The following ERICH3 variants were observed in gnomAD, a reference collection of about 807,000 sequenced individuals.
The protein encoded by ERICH3 is glutamate rich 3.
In ERICH3, 126 loss-of-function variants were observed where a neutral mutation model predicts 131.1. That is an observed-to-expected ratio of 0.96 (90% CI 0.83 to 1.11). The LOEUF (loss-of-function observed/expected upper bound fraction) is 1.11, where lower values mean the gene tolerates loss of function less well. Ranked by LOEUF, ERICH3 falls within the 50% of genes most tolerant of loss-of-function variation. The probability of loss-of-function intolerance (pLI) is 0.00; values close to 1 mark genes in which losing one functional copy is unlikely to be tolerated. For synonymous variants in ERICH3, 695 were observed against 644.6 expected (o/e 1.08, Z -1.18); for missense variants, 2,050 against 1,810.7 (o/e 1.13, Z -2.40).
At position 74,641,342 on chromosome 1, in the gene ERICH3, G is replaced by C. The variant is rs1646435615; in HGVS notation, c.433C>G (p.Pro145Ala). The C allele has an allele frequency of 6.2e-7, 1 of 1,612,444 alleles. No homozygotes were observed. Among genetic ancestry groups the C allele is most frequent in the African/African-American group, 1.3e-5 (1 of 74,710 alleles). The stretch of plus-strand genomic sequence containing the variant: ...TTAATATTACTCACCAGTGCTAACG[G>C]ACTGGAATGTCCTTCATCAACCAGA... ...SVLVDEGHSSPLALTAPRPYT... is the reference protein window; with the variant it reads ...SVLVDEGHSSALALTAPRPYT... Residue 145 changes from proline (P) to alanine (A), a missense_variant, in exon 5 of 15, where the codon CCG becomes GCG. Physicochemically the swap from Pro to Ala is conservative, Grantham distance 27. Transcript: ENST00000326665.
At chr1:74,606,312 G>A (rs960013927) in intron 10 of ERICH3, among the ~76,000 whole-genome samples, 1 of 151,824 alleles carries the variant, frequency 6.6e-6, no homozygotes, top group Non-Finnish European at 1.5e-5. Context: ...GGTGAAAATG[G>A]TCTCTGCAGA....
chr1:74,656,814 C>A (rs1285367990), intron 1 of ERICH3, among the ~76,000 whole-genome samples: 2 of 152,108 alleles, frequency 1.3e-5, no homozygotes, highest in African/African-American at 4.8e-5. Context: ...ACAGGAGTTC[C>A]CATAAAATTG....
intron 12 of ERICH3, chr1:74,589,384 G>A: frequency 1.8e-6 from 1 of 551,688 alleles, no homozygotes; most frequent in Non-Finnish European, 3.2e-6. Flanking sequence ...TCCCATAGGA[G>A]GGAATTTACC....
chr1:74,605,143 A>T (rs934350843), intron 10 of ERICH3, among the ~76,000 whole-genome samples: 1 of 151,924 alleles, frequency 6.6e-6, no homozygotes, highest in South Asian at 2.1e-4. Flanking sequence ...TATGGAAATG[A>T]CTTCTTTCTT....
At chr1:74,581,945 C>A (rs1244484056) in intron 12 of ERICH3, among the ~76,000 whole-genome samples, 1 of 152,148 alleles carries the variant, frequency 6.6e-6, no homozygotes, top group Non-Finnish European at 1.5e-5. Context: ...ACCCTCTTAG[C>A]AGAAATGTAA....
chr1:74,611,258 C>T (rs1648681893), intron 9 of ERICH3, among the ~76,000 whole-genome samples: 1 of 152,120 alleles, frequency 6.6e-6, no homozygotes, highest in South Asian at 2.1e-4. Context: ...CTTCCACAGT[C>T]TCAATAAGTT....
At chr1:74,602,814 A>C (rs1648205028) in intron 10 of ERICH3, among the ~76,000 whole-genome samples, 1 of 151,928 alleles carries the variant, frequency 6.6e-6, no homozygotes, top group Admixed American at 6.6e-5. Flanking sequence ...CATGCTTCAA[A>C]GTTAAAACAC....
intron 8 of ERICH3, among the ~76,000 whole-genome samples, chr1:74,614,605 A>AAT (rs1453742553): frequency 1.3e-5 from 2 of 148,590 alleles, no homozygotes; most frequent in African/African-American, 5.0e-5. Context: ...TGAACCCGGG[A>AAT]GGCGGAGCTT....
intron 1 of ERICH3, 106 bp from the exon 2 acceptor site, chr1:74,649,421 G>T: frequency 1.4e-6 from 1 of 729,776 alleles, no homozygotes; most frequent in Non-Finnish European, 2.3e-6. Flanking sequence ...CACTCATGCA[G>T]CCTGCCAGTC....
intron 12 of ERICH3, 160 bp from the exon 13 acceptor site, chr1:74,577,096 T>C: frequency 1.6e-6 from 1 of 610,678 alleles, no homozygotes; most frequent in Non-Finnish European, 2.8e-6. Flanking sequence ...TGAAAATTCC[T>C]ACCAGTATTG....
chr1:74,667,476 CA>C (rs1646702980), intron 1 of ERICH3, among the ~76,000 whole-genome samples: 1 of 152,088 alleles, frequency 6.6e-6, no homozygotes, highest in Non-Finnish European at 1.5e-5. Context: ...TGGTCTGTAC[CA>C]AAATGAATAA....
At position 74,608,559 on chromosome 1, in the gene ERICH3, G is replaced by T. The variant is rs139807211; in HGVS notation, c.1188-1657C>A. 7.0e-3 allele frequency among the ~76,000 whole-genome samples: 1,072 copies of T among 152,084 alleles called. 12 individuals are homozygous for T. The highest frequency in any genetic ancestry group is 0.025 in the African/African-American group (1,040 of 41,522). On this transcript the variant is annotated intron_variant, in intron 9 of 14. Coordinates refer to ENST00000326665, the MANE Select transcript of ERICH3 (RefSeq NM_001002912.5). ...CCATCTGCAGCGTAGAAATAGCAAA[G>T]GAATTGATCTTAATAAATTTTCCCA...
intron 13 of ERICH3, among the ~76,000 whole-genome samples, chr1:74,576,043 C>G (rs1647047321): frequency 6.6e-6 from 1 of 152,144 alleles, no homozygotes; most frequent in Non-Finnish European, 1.5e-5. Flanking sequence ...GGAAGTCAGA[C>G]TAACCTGGGT....
chr1:74,612,616 T>C lies in ERICH3; in HGVS notation c.1187+7A>G, dbSNP rs1648749552. The C allele has an allele frequency of 6.5e-7, 1 of 1,541,262 alleles. No individual in the cohort carries two copies. On this transcript the variant is annotated splice_region_variant and intron_variant, in intron 9 of 14. Coordinates refer to ENST00000326665, the MANE Select transcript of ERICH3 (RefSeq NM_001002912.5). ...TGCCCTCTACCAAAGGACATTTGTT[T>C]CCATACTTGTAGCAAGGAGATGATC... is the stretch of plus-strand genomic sequence containing the variant.
At chr1:74,590,725 C>T (rs1647553201) in intron 11 of ERICH3, among the ~76,000 whole-genome samples, 1 of 152,160 alleles carries the variant, frequency 6.6e-6, no homozygotes, top group Admixed American at 6.6e-5. Context: ...AGGCCATGGA[C>T]CCTGTACCAG....
chr1:74,670,289 A>G (rs1646728999), intron 1 of ERICH3, among the ~76,000 whole-genome samples: 1 of 152,068 alleles, frequency 6.6e-6, no homozygotes, highest in African/African-American at 2.4e-5. Flanking sequence ...ACAAATTTTT[A>G]TATATTTAGG....
chr1:74,641,273 A>C, intron 5 of ERICH3, 58 bp downstream of exon 5: 2 of 1,581,654 alleles, frequency 1.3e-6, no homozygotes, highest in Non-Finnish European at 1.7e-6. Flanking sequence ...TCTGAGAATA[A>C]GAAATAATAA....
At chr1:74,610,839 A>C (rs1261757110) in intron 9 of ERICH3, among the ~76,000 whole-genome samples, 1 of 152,048 alleles carries the variant, frequency 6.6e-6, no homozygotes, top group Non-Finnish European at 1.5e-5. Flanking sequence ...ATCAATGTCC[A>C]ATCCTCAGTC....
At chr1:74,633,381 G>A (rs548709001) in intron 6 of ERICH3, among the ~76,000 whole-genome samples, 129 of 151,610 alleles carry the variant, frequency 8.5e-4, no homozygotes, top group Non-Finnish European at 1.3e-3. Context: ...AAAGGAGTAC[G>A]TTTATATTGT....
Sources: allele counts gnomAD v4.1 joint callset (sites outside exome capture counted in the v4.1 genomes callset), GRCh38; gene constraint gnomAD v4.1.1; transcripts MANE v1.5; gene names NCBI Gene and HGNC (gene_info 2026-07-23, HGNC 2026-07-21).